Variants in CD160 observed in about 807,000 individuals in gnomAD.
CD160 encodes the protein CD160 antigen.
CD160 carries 11 observed loss-of-function variants against 19.2 expected under a neutral mutation model. That is an observed-to-expected ratio of 0.57 (90% CI 0.36 to 0.95). The LOEUF (loss-of-function observed/expected upper bound fraction) is 0.95, where lower values mean the gene tolerates loss of function less well. CD160 is among the 40% of genes least tolerant of loss of function. CD160 has a pLI of 0.01. For synonymous variants in CD160, 75 were observed against 81.1 expected (o/e 0.93, Z 0.40); for missense variants, 182 against 213.2 (o/e 0.85, Z 0.91).
intron 5 of CD160, 104 bp from the exon 6 acceptor site, chr1:145,738,382 G>A (rs1657580789): frequency 1.6e-6 from 1 of 619,852 alleles, no homozygotes; most frequent in Non-Finnish European, 2.6e-6. Context: ...ACAGTCATGA[G>A]GGCCTATCAC....
At position 145,730,844 on chromosome 1, in the gene CD160, G is replaced by A. The variant is rs1553709055; in HGVS notation, c.174G>A (p.Val58=). The change falls in exon 4 of 6, where the codon GTG becomes GTA. Residue 58 remains valine, a synonymous_variant. Transcript: ENST00000369288. ...HKKEEAEGFV[V]FLCKDRSGDC... ...AAGAAGAGGCTGAGGGGTTTGTAGT[G>A]TTTTTGTGCAAGGACAGGTCTGGAG... The A allele has an allele frequency of 6.2e-7, 1 of 1,614,178 alleles. No homozygotes were observed. The highest frequency in any genetic ancestry group is 2.2e-5 in the East Asian group (1 of 44,882).
chr1:145,723,981 A>G (rs1656956877), intron 1 of CD160, among the ~76,000 whole-genome samples: 1 of 152,188 alleles, frequency 6.6e-6, no homozygotes, highest in East Asian at 1.9e-4. Flanking sequence ...AGCTATAGCC[A>G]AAGGGACAGG....
At chr1:145,732,227 G>T (rs753848668) in intron 4 of CD160, among the ~76,000 whole-genome samples, 1 of 152,114 alleles carries the variant, frequency 6.6e-6, no homozygotes, top group Admixed American at 6.5e-5. Flanking sequence ...TAAACCAAAT[G>T]TAAGGAAAGA....
At chr1:145,733,712 TG>T (rs1313250726) in intron 4 of CD160, among the ~76,000 whole-genome samples, 1 of 152,188 alleles carries the variant, frequency 6.6e-6, no homozygotes, top group East Asian at 1.9e-4. Flanking sequence ...CTCCCCTGGC[TG>T]TTCTACCCAC....
rs781785482 is a variant in CD160, at chr1:145,728,385, G to A, written c.58G>A (p.Asp20Asn). 6.2e-7 allele frequency: 1 copy of A among 1,612,402 alleles called. No homozygotes were observed. The highest frequency in any genetic ancestry group is 1.3e-5 in the African/African-American group (1 of 74,856). The change falls in exon 3 of 6, where the codon GAC (aspartate) becomes AAC (asparagine). Residue 20 changes from aspartate to asparagine, a missense_variant. Coordinates refer to ENST00000369288, the MANE Select transcript of CD160 (RefSeq NM_007053.4). ...CCTGGCCATCCTGCTGGCAATTGTGGACATCCAGTCTGGTGGTGAGGATAG... is the reference window on the plus strand; with the variant it reads ...CCTGGCCATCCTGCTGGCAATTGTGAACATCCAGTCTGGTGGTGAGGATAG... ...CALAILLAIV[D>N]IQSGGCINIT...
rs587762647 is a variant in CD160 at position 145,731,093 on chromosome 1, T to C, written c.400+23T>C. On this transcript the variant is annotated intron_variant, in intron 4 of 5. Transcript: ENST00000369288. ...CAGGTGAGTGCTCAAATACTCCTAA[T>C]GCCACCAGGTGGGACAGTGAGCAGG... 45 of 1,577,438 alleles carry C rather than the reference T, an allele frequency of 2.9e-5. 1 individual carries two copies. In the South Asian group the frequency reaches 4.4e-4, roughly 15 times the overall value.
intron 4 of CD160, among the ~76,000 whole-genome samples, chr1:145,731,624 T>C (rs1657298017): frequency 6.6e-6 from 1 of 152,162 alleles, no homozygotes; most frequent in Non-Finnish European, 1.5e-5. Flanking sequence ...GAGCCGAGAT[T>C]GTGCCATTGC....
At chr1:145,725,640 A>T (rs1553708296) in intron 2 of CD160, among the ~76,000 whole-genome samples, 1 of 152,210 alleles carries the variant, frequency 6.6e-6, no homozygotes, top group African/African-American at 2.4e-5. Flanking sequence ...TTGACATTTT[A>T]AAACTCTTAA....
At chr1:145,720,895 G>A (rs959917037) in intron 1 of CD160, among the ~76,000 whole-genome samples, 1 of 152,212 alleles carries the variant, frequency 6.6e-6, no homozygotes, top group Admixed American at 6.5e-5. Context: ...AGGTGCGGGA[G>A]GGAAGAGTTT....
intron 1 of CD160, among the ~76,000 whole-genome samples, 163 bp downstream of exon 1, chr1:145,719,722 C>T (rs929152374): frequency 6.6e-6 from 1 of 152,156 alleles, no homozygotes; most frequent in Admixed American, 6.5e-5. Context: ...TATTTCTGCC[C>T]GCCAGACCAG....
intron 2 of CD160, among the ~76,000 whole-genome samples, chr1:145,726,838 ACTT>A (rs1657070461): frequency 6.6e-6 from 1 of 152,220 alleles, no homozygotes; most frequent in South Asian, 2.1e-4. Context: ...TATGAAGAAA[ACTT>A]CTATACATAC....
intron 4 of CD160, among the ~76,000 whole-genome samples, chr1:145,733,011 G>A (rs1299966677): frequency 6.6e-6 from 1 of 152,172 alleles, no homozygotes; most frequent in Non-Finnish European, 1.5e-5. Context: ...ATCTCGAAGA[G>A]TTGACAGTGG....
intron 5 of CD160, 53 bp downstream of exon 5, chr1:145,736,187 T>C (rs782030275): frequency 1.2e-6 from 2 of 1,612,848 alleles, no homozygotes. Flanking sequence ...CTATTATATT[T>C]CTGCCACCTT....
Position 145,728,321 on chromosome 1 carries a change from GTGCAGGATGC to G in CD160, c.-4_6del. 2 of 1,608,416 alleles carry G rather than the reference GTGCAGGATGC, an allele frequency of 1.2e-6. No homozygotes were observed. Among genetic ancestry groups the G allele is most frequent in the Non-Finnish European group, 8.5e-7 (1 of 1,176,088 alleles). ...TCAAGTTCCTGGGCCTGCTGACAGC[GTGCAGGATGC>G]TGTTGGAACCCGGCAGAGGCTGCTG... On this transcript the variant is annotated start_lost and 5_prime_UTR_variant, in exon 3 of 6. Transcript: ENST00000369288.
chr1:145,736,000 C>T lies in CD160; in HGVS notation c.404C>T (p.Thr135Ile). The T allele has an allele frequency of 6.2e-7, 1 of 1,605,412 alleles. No individual in the cohort carries two copies. Among genetic ancestry groups the T allele is most frequent in the Non-Finnish European group, 8.5e-7 (1 of 1,173,456 alleles). ...GHFFSILFTE[T>I]GNYTVTGLKQ... is the part of the protein sequence containing the mutation. ...CCATGATTCTCTTTTGAACCAGAGA[C>T]AGGGAACTACACAGTGACGGGATTG... is the stretch of plus-strand genomic sequence containing the variant. The change falls in exon 5 of 6, where the codon ACA (threonine) becomes ATA (isoleucine). Residue 135 changes from threonine to isoleucine, a missense_variant. By Grantham distance (89) the Thr-to-Ile change is moderately conservative. Coordinates refer to ENST00000369288, the MANE Select transcript of CD160 (RefSeq NM_007053.4).
chr1:145,736,131 C>G lies in CD160; in HGVS notation c.535C>G (p.Gln179Glu). ...VMLVTSLVAL[Q>E]AL Reference sequence around the variant, plus strand: ...GCTGGTCACCAGCCTTGTGGCCCTTCAAGGTATGTCCAAAAGAGCCGTAAG... The same window carrying G: ...GCTGGTCACCAGCCTTGTGGCCCTTGAAGGTATGTCCAAAAGAGCCGTAAG... Residue 179 changes from glutamine to glutamate, a missense_variant, in exon 5 of 6, where the codon CAA becomes GAA. By Grantham distance (29) the Gln-to-Glu change is conservative. Coordinates refer to ENST00000369288, the MANE Select transcript of CD160 (RefSeq NM_007053.4). 6.2e-7 allele frequency: 1 copy of G among 1,614,094 alleles called. No individual in the cohort carries two copies. Among genetic ancestry groups the G allele is most frequent in the Non-Finnish European group, 8.5e-7 (1 of 1,180,006 alleles).
intron 4 of CD160, among the ~76,000 whole-genome samples, chr1:145,735,010 G>A (rs1160825537): frequency 4.6e-5 from 7 of 152,104 alleles, no homozygotes; most frequent in South Asian, 4.2e-4. Flanking sequence ...GGGAGGCTGA[G>A]GCAGGAGAAT....
At chr1:145,721,676 A>C (rs1656854276) in intron 1 of CD160, among the ~76,000 whole-genome samples, 1 of 152,116 alleles carries the variant, frequency 6.6e-6, no homozygotes, top group Non-Finnish European at 1.5e-5. Flanking sequence ...CGACCTTGTC[A>C]ACATTCCACA....
chr1:145,730,723 A>G, intron 3 of CD160, 21 bp from the exon 4 acceptor site: 1 of 1,600,490 alleles, frequency 6.2e-7, no homozygotes, highest in Non-Finnish European at 8.5e-7. Flanking sequence ...CCTCTGGGTA[A>G]TTCTTCCCTT....
Sources: allele counts gnomAD v4.1 joint callset (sites outside exome capture counted in the v4.1 genomes callset), GRCh38; gene constraint gnomAD v4.1.1; transcripts MANE v1.5; gene names NCBI Gene and HGNC (gene_info 2026-07-23, HGNC 2026-07-21).